LIMS1: variants seen among roughly 807,000 people sequenced by gnomAD.
LIMS1 encodes the protein LIM zinc finger domain containing 1.
Under a neutral mutation model 44.1 loss-of-function variants are expected in LIMS1, and 18 were observed. The observed-to-expected ratio is 0.41, with a 90% CI of 0.28 to 0.61. The LOEUF is 0.61. Ranked by LOEUF, LIMS1 falls within the 20% of genes least tolerant of loss-of-function variation. The pLI is 0.32. For synonymous variants in LIMS1, 93 were observed against 149.1 expected (o/e 0.62, Z 2.74); for missense variants, 201 against 422.0 (o/e 0.48, Z 4.59).
intron 1 of LIMS1, among the ~76,000 whole-genome samples, chr2:108,592,324 T>C (rs969945925): frequency 1.3e-5 from 2 of 152,070 alleles, no homozygotes; most frequent in African/African-American, 4.8e-5. Flanking sequence ...AAGTGGCAGG[T>C]GGGGAGGTAT....
intron 8 of LIMS1, among the ~76,000 whole-genome samples, chr2:108,678,255 T>C (rs1300329891): frequency 6.6e-6 from 1 of 152,236 alleles, no homozygotes; most frequent in Admixed American, 6.5e-5. Context: ...GCTGCAGTGT[T>C]GTATGCCAGC....
At chr2:108,634,940 T>C (rs1031435024) in intron 1 of LIMS1, among the ~76,000 whole-genome samples, 1 of 152,132 alleles carries the variant, frequency 6.6e-6, no homozygotes, top group Non-Finnish European at 1.5e-5. Context: ...GACTGACCAA[T>C]GGGTGTGTGT....
At chr2:108,597,720 G>T (rs113757733) in intron 1 of LIMS1, among the ~76,000 whole-genome samples, 3 of 138,138 alleles carry the variant, frequency 2.2e-5, no homozygotes, top group African/African-American at 8.4e-5. Flanking sequence ...TTGCGACAGA[G>T]TCTTGCATGT....
intron 9 of LIMS1, chr2:108,681,129 CTG>C (rs1692965327): frequency 4.7e-6 from 6 of 1,277,104 alleles, no homozygotes; most frequent in Non-Finnish European, 5.9e-6. Context: ...TTTTCTATCC[CTG>C]TGTCATCATT....
chr2:108,619,267 A>G (rs1688100639), intron 1 of LIMS1, among the ~76,000 whole-genome samples: 1 of 152,160 alleles, frequency 6.6e-6, no homozygotes, highest in Non-Finnish European at 1.5e-5. Context: ...TGTATTTACA[A>G]TGAATATACA....
chr2:108,664,233 A>G (rs1405461992), intron 2 of LIMS1, among the ~76,000 whole-genome samples: 1 of 152,214 alleles, frequency 6.6e-6, no homozygotes, highest in Non-Finnish European at 1.5e-5. Flanking sequence ...AACCAGTATA[A>G]AGTACCAAAG....
At chr2:108,641,234 G>A (rs1052411704) in intron 1 of LIMS1, among the ~76,000 whole-genome samples, 5 of 152,054 alleles carry the variant, frequency 3.3e-5, no homozygotes, top group African/African-American at 9.7e-5. Context: ...TATCATAATG[G>A]CATTTCACTC....
At chr2:108,541,233 A>T (rs945713484) in intron 1 of LIMS1, among the ~76,000 whole-genome samples, 1 of 152,216 alleles carries the variant, frequency 6.6e-6, no homozygotes, top group African/African-American at 2.4e-5. Flanking sequence ...CCAACTACTT[A>T]AACAGATATG....
intron 1 of LIMS1, among the ~76,000 whole-genome samples, chr2:108,571,003 T>C (rs918001735): frequency 2.6e-5 from 4 of 152,242 alleles, no homozygotes; most frequent in Non-Finnish European, 5.9e-5. Context: ...GAATCTTCTT[T>C]TAAAATCTCT....
At chr2:108,587,480 G>C (rs1258417455) in intron 1 of LIMS1, among the ~76,000 whole-genome samples, 4 of 152,012 alleles carry the variant, frequency 2.6e-5, no homozygotes, top group Admixed American at 6.6e-5. Flanking sequence ...TTACAGGCAA[G>C]TGTAAGCCAC....
chr2:108,643,683 GA>G (rs1349528297), intron 1 of LIMS1, among the ~76,000 whole-genome samples: 4 of 118,582 alleles, frequency 3.4e-5, no homozygotes. Flanking sequence ...CACTCCCCTG[GA>G]AAGGAGGGCT....
intron 2 of LIMS1, among the ~76,000 whole-genome samples, chr2:108,670,107 C>T (rs914728280): frequency 6.6e-6 from 1 of 152,006 alleles, no homozygotes; most frequent in African/African-American, 2.4e-5. Flanking sequence ...AATTGGAGCA[C>T]ATAAAATGAA....
chr2:108,588,729 A>G (rs1558798927), intron 1 of LIMS1: 1 of 513,050 alleles, frequency 1.9e-6, no homozygotes, highest in Non-Finnish European at 2.5e-6. Flanking sequence ...CTATGCAGAA[A>G]GGGTCTTGGG....
chr2:108,607,168 C>T, intron 1 of LIMS1: 1 of 1,544,078 alleles, frequency 6.5e-7, no homozygotes, highest in East Asian at 2.4e-5. Context: ...TGTGAGGACA[C>T]AGTGAGAGGG....
At chr2:108,536,260 A>G (rs1483756072) in intron 1 of LIMS1, among the ~76,000 whole-genome samples, 1 of 152,214 alleles carries the variant, frequency 6.6e-6, no homozygotes, top group Non-Finnish European at 1.5e-5. Context: ...ACCATCATAC[A>G]TGTCCAGAAA....
intron 1 of LIMS1, among the ~76,000 whole-genome samples, chr2:108,573,309 T>C (rs1387826486): frequency 6.6e-6 from 1 of 151,580 alleles, no homozygotes; most frequent in Non-Finnish European, 1.5e-5. Context: ...TTCTTTTCTT[T>C]TTTTTTTTTT....
chr2:108,556,532 A>G (rs1328290917), intron 1 of LIMS1, among the ~76,000 whole-genome samples: 1 of 152,218 alleles, frequency 6.6e-6, no homozygotes, highest in Non-Finnish European at 1.5e-5. Flanking sequence ...AGGACCTGTC[A>G]AACTGTTGAA....
intron 1 of LIMS1, among the ~76,000 whole-genome samples, chr2:108,656,264 C>T (rs1287506795): frequency 6.6e-6 from 1 of 151,060 alleles, no homozygotes; most frequent in African/African-American, 2.4e-5. Context: ...AGTAGATCAG[C>T]TTCATCAGTC....
chr2:108,635,899 G>T (rs1197253043), intron 1 of LIMS1, among the ~76,000 whole-genome samples: 1 of 152,148 alleles, frequency 6.6e-6, no homozygotes, highest in Non-Finnish European at 1.5e-5. Context: ...TGGAGAAAGA[G>T]CCCAAAAGGT....
Sources: gnomAD v4.1 joint callset for allele counts (sites outside exome capture counted in the v4.1 genomes callset) on GRCh38, gnomAD v4.1.1 for gene constraint, MANE v1.5 for transcripts, NCBI Gene and HGNC (gene_info 2026-07-23, HGNC 2026-07-21) for gene names.